The following LRIG1 variants were observed in gnomAD, a reference collection of about 807,000 sequenced individuals.
The protein encoded by LRIG1 is leucine-rich repeats and immunoglobulin-like domains protein 1.
In LRIG1, 48 loss-of-function variants were observed where a neutral mutation model predicts 99.2. The observed-to-expected ratio is 0.48, with a 90% CI of 0.38 to 0.62. The LOEUF is 0.62. Ranked by LOEUF, LRIG1 falls within the 20% of genes least tolerant of loss-of-function variation. The pLI is 0.00. For missense variants in LRIG1, 1,646 were observed against 1,434.4 expected, an observed-to-expected ratio of 1.15 and a Z score of -2.38; for synonymous variants, 772 against 596.1, an observed-to-expected ratio of 1.29 and a Z score of -4.30.
chr3:66,479,121 G>A, intron 1 of LRIG1, among the ~76,000 whole-genome samples: 1 of 152,196 alleles, frequency 6.6e-6, no homozygotes, highest in Middle Eastern at 3.2e-3. Context: ...CCTGTCCAGA[G>A]CAATTACCCT....
chr3:66,463,979 T>C (rs764354322), intron 1 of LRIG1, among the ~76,000 whole-genome samples: 7 of 152,234 alleles, frequency 4.6e-5, no homozygotes, highest in Non-Finnish European at 8.8e-5. Flanking sequence ...AAGGTGGTAA[T>C]GCTTTAAACC....
rs555419648 is a variant in LRIG1, at chr3:66,473,395, T to C, written c.219-10886A>G. On this transcript the variant is annotated intron_variant, in intron 1 of 18. Transcript: ENST00000273261. Reference sequence around the variant, plus strand: ...TCCACTGGAACTTACACACGTCCTTTATTTTTCAACTGTGTGACATCACAC... The same window carrying C: ...TCCACTGGAACTTACACACGTCCTTCATTTTTCAACTGTGTGACATCACAC... Among the ~76,000 whole-genome samples the C allele has an allele frequency of 2.6e-5, 4 of 152,308 alleles. No homozygotes were observed. The South Asian group carries it at 8.3e-4, about 32-fold the overall frequency.
intron 12 of LRIG1, 69 bp from the exon 13 acceptor site, chr3:66,386,370 G>C: frequency 7.4e-7 from 1 of 1,358,306 alleles, no homozygotes; most frequent in East Asian, 2.3e-5. Flanking sequence ...TGCTGTTCAT[G>C]CTAACAGAAA....
chr3:66,497,576 A>C (rs1209592030), intron 1 of LRIG1, among the ~76,000 whole-genome samples: 4 of 152,124 alleles, frequency 2.6e-5, no homozygotes, highest in African/African-American at 4.8e-5. Context: ...CTCAGGCCCC[A>C]AAAATGAACC....
chr3:66,400,651 G>A (rs1325718091), intron 9 of LRIG1, among the ~76,000 whole-genome samples: 1 of 152,180 alleles, frequency 6.6e-6, no homozygotes, highest in East Asian at 1.9e-4. Context: ...GACCGGACTA[G>A]AAGCCATCTC....
intron 1 of LRIG1, 93 bp from the exon 2 acceptor site, chr3:66,462,602 T>G (rs1213036475): frequency 8.4e-6 from 7 of 829,054 alleles, no homozygotes; most frequent in Non-Finnish European, 1.4e-5. Context: ...TCCCCCACCC[T>G]CAAATCCAAG....
chr3:66,466,226 G>T (rs368059136), intron 1 of LRIG1, among the ~76,000 whole-genome samples: 30 of 152,158 alleles, frequency 2.0e-4, no homozygotes, highest in South Asian at 1.9e-3. Context: ...TAGACATGGT[G>T]GGGGGAGGGT....
intron 9 of LRIG1, among the ~76,000 whole-genome samples, chr3:66,402,287 C>T (rs915497664): frequency 2.0e-5 from 3 of 152,204 alleles, no homozygotes; most frequent in African/African-American, 4.8e-5. Flanking sequence ...GGGAACCGCA[C>T]AACCATTTGG....
chr3:66,415,956 G>A (rs1379433367), intron 4 of LRIG1, among the ~76,000 whole-genome samples: 1 of 152,182 alleles, frequency 6.6e-6, no homozygotes, highest in Non-Finnish European at 1.5e-5. Context: ...AGGGAGCAAG[G>A]CACTTTTTGT....
chr3:66,385,709 T>C (rs1701339716), intron 13 of LRIG1, among the ~76,000 whole-genome samples: 1 of 152,102 alleles, frequency 6.6e-6, no homozygotes, highest in Admixed American at 6.5e-5. Context: ...CACCTCAGTC[T>C]CCCAACTGCT....
At chr3:66,455,553 A>G (rs1700194796) in intron 2 of LRIG1, among the ~76,000 whole-genome samples, 1 of 152,240 alleles carries the variant, frequency 6.6e-6, no homozygotes, top group African/African-American at 2.4e-5. Flanking sequence ...TGAATGGACC[A>G]TAATTTATCT....
At chr3:66,487,996 G>A (rs760543285) in intron 1 of LRIG1, among the ~76,000 whole-genome samples, 12 of 151,768 alleles carry the variant, frequency 7.9e-5, no homozygotes, top group Non-Finnish European at 1.0e-4. Context: ...AATTTGTTCC[G>A]GAAAACAATA....
chr3:66,474,343 C>T (rs1158518953), intron 1 of LRIG1, among the ~76,000 whole-genome samples: 6 of 150,342 alleles, frequency 4.0e-5, no homozygotes, highest in East Asian at 1.9e-4. Context: ...GGTCCATCTA[C>T]GTTCTTTTTT....
intron 3 of LRIG1, among the ~76,000 whole-genome samples, chr3:66,433,790 A>G (rs910688546): frequency 6.6e-6 from 1 of 152,166 alleles, no homozygotes; most frequent in Non-Finnish European, 1.5e-5. Context: ...TTACAACACC[A>G]AAGTGGCACT....
intron 3 of LRIG1, among the ~76,000 whole-genome samples, chr3:66,447,485 C>A (rs963229673): frequency 6.6e-6 from 1 of 152,094 alleles, no homozygotes; most frequent in Non-Finnish European, 1.5e-5. Flanking sequence ...ATTTTAATAG[C>A]AATATTACAA....
chr3:66,390,201 G>A (rs1701560878), intron 12 of LRIG1, among the ~76,000 whole-genome samples: 1 of 151,888 alleles, frequency 6.6e-6, no homozygotes, highest in Admixed American at 6.6e-5. Flanking sequence ...ATGACATGAT[G>A]ATCACATATA....
intron 1 of LRIG1, among the ~76,000 whole-genome samples, chr3:66,479,357 G>A (rs904968399): frequency 6.6e-6 from 1 of 152,152 alleles, no homozygotes; most frequent in Non-Finnish European, 1.5e-5. Context: ...TCTGTAGTCT[G>A]GATTCACTGC....
intron 2 of LRIG1, among the ~76,000 whole-genome samples, chr3:66,457,491 T>C (rs902476398): frequency 4.6e-5 from 7 of 152,186 alleles, no homozygotes; most frequent in African/African-American, 1.4e-4. Context: ...CAAAGATTCA[T>C]TTCTAAACAA....
chr3:66,426,153 T>C (rs1407167014), intron 3 of LRIG1, among the ~76,000 whole-genome samples: 1 of 152,174 alleles, frequency 6.6e-6, no homozygotes, highest in Non-Finnish European at 1.5e-5. Flanking sequence ...ATTATGCACC[T>C]ATTTTCTACA....
Sources: gnomAD v4.1 joint callset for allele counts (sites outside exome capture counted in the v4.1 genomes callset) on GRCh38, gnomAD v4.1.1 for gene constraint, MANE v1.5 for transcripts, NCBI Gene and HGNC (gene_info 2026-07-23, HGNC 2026-07-21) for gene names.